Variants in SH3RF2 observed in about 807,000 individuals in gnomAD.
SH3RF2 encodes SH3 domain containing ring finger 2, also known as E3 ubiquitin-protein ligase SH3RF2.
SH3RF2 carries 43 observed loss-of-function variants against 59.0 expected under a neutral mutation model. The observed-to-expected ratio is 0.73, with a 90% CI of 0.57 to 0.94. The LOEUF is 0.94. SH3RF2 is among the 40% of genes least tolerant of loss of function. The pLI is 0.00. For synonymous variants in SH3RF2, 391 were observed against 391.5 expected (o/e 1.00, Z 0.01); for missense variants, 930 against 940.1 (o/e 0.99, Z 0.14).
intron 7 of SH3RF2, chr5:146,055,706 A>C: frequency 2.1e-6 from 1 of 479,756 alleles, no homozygotes; most frequent in South Asian, 2.6e-5. Context: ...GGAGTGAAAA[A>C]GGATGAAATT....
intron 2 of SH3RF2, among the ~76,000 whole-genome samples, chr5:145,991,211 T>A (rs1759920289): frequency 6.6e-6 from 1 of 152,222 alleles, no homozygotes; most frequent in Admixed American, 6.5e-5. Context: ...CAATCTTGGA[T>A]CTGCCAATAC....
intron 2 of SH3RF2, among the ~76,000 whole-genome samples, chr5:145,972,118 C>A (rs1759107086): frequency 6.6e-6 from 1 of 151,944 alleles, no homozygotes; most frequent in Admixed American, 6.6e-5. Context: ...GAATGCAGAA[C>A]AAATATAGTT....
chr5:145,980,397 TC>T (rs1759464552), intron 2 of SH3RF2, among the ~76,000 whole-genome samples: 1 of 152,224 alleles, frequency 6.6e-6, no homozygotes, highest in East Asian at 1.9e-4. Context: ...TGAGACTAGA[TC>T]ATGAATCTTT....
intron 9 of SH3RF2, among the ~76,000 whole-genome samples, chr5:146,071,399 ACAGT>A (rs1158931762): frequency 2.0e-5 from 3 of 152,382 alleles, no homozygotes; most frequent in African/African-American, 7.2e-5. Flanking sequence ...CAACAGTCAA[ACAGT>A]CAGAAGGGGT....
chr5:146,036,968 C>T (rs114833075), intron 5 of SH3RF2, among the ~76,000 whole-genome samples: 2,270 of 152,312 alleles, frequency 0.015, 58 homozygotes, highest in African/African-American at 0.051. Context: ...GGGTCTTCCT[C>T]AAAGGCAATC....
At chr5:145,998,501 A>G (rs1360084225) in intron 2 of SH3RF2, among the ~76,000 whole-genome samples, 1 of 23,542 alleles carries the variant, frequency 4.2e-5, no homozygotes, top group African/African-American at 1.7e-4. Flanking sequence ...TTTTATGGGA[A>G]AAAAAAGTAT....
intron 9 of SH3RF2, among the ~76,000 whole-genome samples, chr5:146,077,231 C>G (rs930853736): frequency 6.6e-6 from 1 of 152,140 alleles, no homozygotes; most frequent in Non-Finnish European, 1.5e-5. Context: ...GCTGCACTTT[C>G]CTCTGGAGCA....
intron 9 of SH3RF2, 151 bp downstream of exon 9, chr5:146,060,375 C>G (rs1045831003): frequency 1.5e-6 from 1 of 658,822 alleles, no homozygotes; most frequent in African/African-American, 1.8e-5. Context: ...CCCCAACTCC[C>G]CACTGAGCCA....
chr5:145,968,556 T>C (rs1022166841), intron 2 of SH3RF2, among the ~76,000 whole-genome samples: 1 of 152,188 alleles, frequency 6.6e-6, no homozygotes, highest in South Asian at 2.1e-4. Flanking sequence ...AGATATATGA[T>C]GTGAGTCACA....
rs35100856 is a variant in SH3RF2 at position 145,964,272 on chromosome 5, TTTCCTTCC to T, written c.378+25993_378+26000del. On this transcript the variant is annotated intron_variant, in intron 2 of 9. Coordinates refer to ENST00000359120, the MANE Select transcript of SH3RF2 (RefSeq NM_152550.4). ...TCTCTTTCTTTCTTCTTTCCCTTCT[TTTCCTTCC>T]TTCCTTCCTTCCTTCCTTCCTTCCT... is the stretch of plus-strand genomic sequence containing the variant. 6.6e-4 allele frequency among the ~76,000 whole-genome samples: 81 copies of T among 123,012 alleles called. 1 individual carries two copies. Among genetic ancestry groups the T allele is most frequent in the East Asian group, 1.4e-3 (6 of 4,236 alleles). 80.7% of individuals were successfully genotyped at this position (123,012 alleles called of 152,430 possible).
chr5:146,051,072 T>C (rs1246965926), intron 7 of SH3RF2, among the ~76,000 whole-genome samples: 1 of 152,272 alleles, frequency 6.6e-6, no homozygotes, highest in East Asian at 1.9e-4. Flanking sequence ...TCATCTCTAC[T>C]AAAAATACAA....
intron 2 of SH3RF2, among the ~76,000 whole-genome samples, chr5:145,985,243 T>C (rs1230181524): frequency 5.3e-5 from 8 of 152,178 alleles, no homozygotes; most frequent in African/African-American, 1.9e-4. Context: ...CCAACAAGGG[T>C]CATGCTAGGC....
intron 4 of SH3RF2, among the ~76,000 whole-genome samples, chr5:146,011,662 C>T (rs1760903414): frequency 1.3e-5 from 2 of 152,170 alleles, no homozygotes; most frequent in Admixed American, 6.5e-5. Flanking sequence ...GGAGTTCGCT[C>T]ATGATTTGGC....
At chr5:145,977,148 A>C (rs774682395) in intron 2 of SH3RF2, among the ~76,000 whole-genome samples, 20 of 152,216 alleles carry the variant, frequency 1.3e-4, no homozygotes, top group Admixed American at 2.6e-4. Flanking sequence ...GGCAAGAGCA[A>C]TATCTTCTGA....
At chr5:146,067,033 T>G (rs1429954432), downstream of SH3RF2, among the ~76,000 whole-genome samples, 2 of 152,056 alleles carry the variant, frequency 1.3e-5, no homozygotes, top group Non-Finnish European at 2.9e-5. Flanking sequence ...GAGGAAATGG[T>G]CCCATTGAGC....
intron 2 of SH3RF2, among the ~76,000 whole-genome samples, chr5:145,974,832 T>C (rs1759225783): frequency 6.6e-6 from 1 of 152,176 alleles, no homozygotes; most frequent in African/African-American, 2.4e-5. Flanking sequence ...ATAACAGAGC[T>C]TCCAAACATA....
At chr5:146,067,070 G>T (rs1246864513), downstream of SH3RF2, among the ~76,000 whole-genome samples, 4 of 152,102 alleles carry the variant, frequency 2.6e-5, no homozygotes, top group African/African-American at 9.7e-5. Context: ...CTTAGGACTT[G>T]TCTCCTTCCC....
At chr5:146,076,211 A>G (rs1031917076) in intron 9 of SH3RF2, among the ~76,000 whole-genome samples, 2 of 152,196 alleles carry the variant, frequency 1.3e-5, no homozygotes, top group African/African-American at 4.8e-5. Flanking sequence ...GTCGTTAAAA[A>G]GAGCAAACAA....
At chr5:146,015,786 ATGGCAC>A (rs1409615387) in intron 5 of SH3RF2, among the ~76,000 whole-genome samples, 1 of 152,240 alleles carries the variant, frequency 6.6e-6, no homozygotes, top group African/African-American at 2.4e-5. Flanking sequence ...ATTCCACAGT[ATGGCAC>A]TGCATTCACA....
Sources: allele counts gnomAD v4.1 joint callset (sites outside exome capture counted in the v4.1 genomes callset), GRCh38; gene constraint gnomAD v4.1.1; transcripts MANE v1.5; gene names NCBI Gene and HGNC (gene_info 2026-07-23, HGNC 2026-07-21).